TMEM272: variants seen among roughly 807,000 people sequenced by gnomAD.
TMEM272 encodes the protein long intergenic non-protein coding RNA 282.
A neutral mutation model predicts 3.7 loss-of-function variants in TMEM272; 8 were observed. The ratio of observed to expected loss-of-function variants is 2.17; its 90% CI spans 1.27 to 3.91. The LOEUF (loss-of-function observed/expected upper bound fraction) is 3.91, where lower values mean the gene tolerates loss of function less well. Among genes scored for constraint, TMEM272 ranks in the 30% most tolerant of loss-of-function variants. TMEM272 has a pLI of 0.00. For missense variants in TMEM272, 166 were observed against 91.5 expected, an observed-to-expected ratio of 1.81 and a Z score of -3.32; for synonymous variants, 63 against 39.8, an observed-to-expected ratio of 1.58 and a Z score of -2.20.
chr13:51,910,218 T>C, the TMEM272 span: 3 of 1,244,802 alleles, frequency 2.4e-6, no homozygotes, highest in African/African-American at 4.4e-5. Context: ...ATTGGACCTG[T>C]TCAGCTTTTC....
intron 2 of TMEM272, among the ~76,000 whole-genome samples, chr13:51,827,614 C>T (rs1247148857): frequency 6.6e-6 from 1 of 152,192 alleles, no homozygotes; most frequent in East Asian, 1.9e-4. Flanking sequence ...GTGCTTTCTG[C>T]TGAGTCCTGT....
the TMEM272 span, among the ~76,000 whole-genome samples, chr13:51,917,092 C>G: frequency 6.6e-6 from 1 of 152,218 alleles, no homozygotes; most frequent in South Asian, 2.1e-4. Context: ...CACTAAAGAC[C>G]ATGAATATGA....
chr13:51,931,694 T>G, the TMEM272 span, among the ~76,000 whole-genome samples: 1 of 152,030 alleles, frequency 6.6e-6, no homozygotes, highest in Non-Finnish European at 1.5e-5. Flanking sequence ...CTTCCTAAGG[T>G]GGTATCACCC....
the TMEM272 span, among the ~76,000 whole-genome samples, chr13:51,916,541 G>A: frequency 1.3e-5 from 2 of 152,176 alleles, no homozygotes; most frequent in Admixed American, 6.5e-5. Context: ...TTAGTTTAGA[G>A]AAAGGAGCCA....
the TMEM272 span, among the ~76,000 whole-genome samples, chr13:51,907,811 T>C: frequency 2.6e-5 from 4 of 152,342 alleles, no homozygotes; most frequent in East Asian, 1.9e-4. Context: ...ATGCAACCTA[T>C]ATATATTTTT....
intron 1 of TMEM272, among the ~76,000 whole-genome samples, chr13:51,841,176 C>T (rs184958873): frequency 1.3e-5 from 2 of 152,324 alleles, no homozygotes; most frequent in East Asian, 1.9e-4. Context: ...CCTAAAGGCC[C>T]GGAAGGTCGG....
chr13:51,932,817 A>G, the TMEM272 span: 1 of 152,210 alleles, frequency 6.6e-6, no homozygotes, highest in South Asian at 2.1e-4. Flanking sequence ...ATGTCCATAT[A>G]TGAACACAAC....
intron 4 of TMEM272, among the ~76,000 whole-genome samples, chr13:51,818,703 A>C (rs1956054692): frequency 6.6e-6 from 1 of 152,182 alleles, no homozygotes; most frequent in Non-Finnish European, 1.5e-5. Context: ...GATGATTTTG[A>C]TTTTCTTCTT....
chr13:51,865,442 G>C, the TMEM272 span: 7 of 1,613,962 alleles, frequency 4.3e-6, no homozygotes, highest in South Asian at 7.7e-5. Flanking sequence ...CAGATGGATG[G>C]GGCTTGCCTG....
chr13:51,831,984 G>A (rs1956177077), intron 2 of TMEM272, among the ~76,000 whole-genome samples: 1 of 152,192 alleles, frequency 6.6e-6, no homozygotes, highest in African/African-American at 2.4e-5. Context: ...AATAGTGGGA[G>A]GATATTAGAA....
At chr13:51,888,197 C>A in the TMEM272 span, among the ~76,000 whole-genome samples, 6 of 150,896 alleles carry the variant, frequency 4.0e-5, no homozygotes, top group African/African-American at 1.2e-4. Flanking sequence ...AGGCACCCAC[C>A]ACCACACCTA....
At chr13:51,829,032 A>C (rs754757737) in intron 2 of TMEM272, among the ~76,000 whole-genome samples, 7 of 152,248 alleles carry the variant, frequency 4.6e-5, no homozygotes, top group Non-Finnish European at 5.9e-5. Context: ...CTGTGAGCAG[A>C]AGGTGGAGAA....
chr13:51,897,284 G>A, the TMEM272 span, among the ~76,000 whole-genome samples: 1 of 150,544 alleles, frequency 6.6e-6, no homozygotes, highest in East Asian at 2.0e-4. Context: ...CTGTAGCCCT[G>A]ACCTAGGCTC....
At chr13:51,866,268 T>G in the TMEM272 span, 14 of 568,792 alleles carry the variant, frequency 2.5e-5, 1 homozygote, top group Non-Finnish European at 4.0e-5. Context: ...TTTTTCCAGG[T>G]TTTGTGATGA....
chr13:51,887,924 T>C, the TMEM272 span, among the ~76,000 whole-genome samples: 1 of 152,238 alleles, frequency 6.6e-6, no homozygotes, highest in Non-Finnish European at 1.5e-5. Flanking sequence ...TCTAGTTTTC[T>C]GGGACAGACA....
chr13:51,896,784 G>C, the TMEM272 span, among the ~76,000 whole-genome samples: 2 of 152,230 alleles, frequency 1.3e-5, no homozygotes, highest in Admixed American at 1.3e-4. Flanking sequence ...TGTGAGAACA[G>C]TGGTCTCAGT....
At chr13:51,865,924 G>T in the TMEM272 span, 1 of 1,614,014 alleles carries the variant, frequency 6.2e-7, no homozygotes, top group Admixed American at 1.7e-5. Context: ...AAGATAAAAC[G>T]TCCCTCTGGG....
the TMEM272 span, among the ~76,000 whole-genome samples, chr13:51,923,574 T>C: frequency 6.6e-6 from 1 of 151,848 alleles, no homozygotes; most frequent in Non-Finnish European, 1.5e-5. Context: ...CGCTGTGGAC[T>C]TGAGAGCCAC....
the TMEM272 span, chr13:51,865,901 A>G: frequency 1.9e-6 from 3 of 1,613,892 alleles, no homozygotes; most frequent in Non-Finnish European, 2.5e-6. Flanking sequence ...TGAGGGGGAG[A>G]AAGCCCTGTG....
Sources: allele counts gnomAD v4.1 joint callset (sites outside exome capture counted in the v4.1 genomes callset), GRCh38; gene constraint gnomAD v4.1.1; transcripts MANE v1.5; gene names NCBI Gene and HGNC (gene_info 2026-07-23, HGNC 2026-07-21).